Variants in RAD50 observed in about 807,000 individuals in gnomAD.
RAD50 encodes RAD50 double strand break repair protein.
A neutral mutation model predicts 168.8 loss-of-function variants in RAD50; 132 were observed. The observed-to-expected ratio is 0.78, with a 90% CI of 0.68 to 0.90. The LOEUF is 0.90. Ranked by LOEUF, RAD50 falls within the 40% of genes least tolerant of loss-of-function variation. RAD50 has a pLI of 0.00. For missense variants in RAD50, 1,347 were observed against 1,534.4 expected, an observed-to-expected ratio of 0.88 and a Z score of 2.04; for synonymous variants, 525 against 497.4, an observed-to-expected ratio of 1.06 and a Z score of -0.74.
At position 132,614,249 on chromosome 5, in the gene RAD50, A is replaced by T. The variant is rs138572986; in HGVS notation, c.3037-1754A>T. 2.0e-3 allele frequency among the ~76,000 whole-genome samples: 300 copies of T among 152,304 alleles called. 1 individual carries two copies. Among genetic ancestry groups the T allele is most frequent in the African/African-American group, 5.6e-3 (231 of 41,558 alleles). ...TCATGCAATTGTGAAAACAAATTCAAATGTTCTGGGGTATTAGATGAAAGT... is the reference window on the plus strand; with the variant it reads ...TCATGCAATTGTGAAAACAAATTCATATGTTCTGGGGTATTAGATGAAAGT... On this transcript the variant is annotated intron_variant, in intron 19 of 24. Coordinates refer to ENST00000378823, the MANE Select transcript of RAD50 (RefSeq NM_005732.4).
intron 5 of RAD50, among the ~76,000 whole-genome samples, chr5:132,586,877 A>AAAT (rs764385442): frequency 2.6e-5 from 4 of 152,178 alleles, no homozygotes. Flanking sequence ...TCTGCATTTG[A>AAAT]AATAATAATA....
At chr5:132,611,501 C>T (rs889401843) in intron 19 of RAD50, among the ~76,000 whole-genome samples, 4 of 151,840 alleles carry the variant, frequency 2.6e-5, no homozygotes, top group East Asian at 3.9e-4. Context: ...GTCAGGAGAT[C>T]GAGACCATCC....
chr5:132,578,901 A>T (rs1355303685), intron 3 of RAD50, among the ~76,000 whole-genome samples: 1 of 152,180 alleles, frequency 6.6e-6, no homozygotes, highest in African/African-American at 2.4e-5. Flanking sequence ...TCTGCTCACC[A>T]GAGCAGTCTG....
intron 11 of RAD50, among the ~76,000 whole-genome samples, chr5:132,592,298 A>C: frequency 6.6e-6 from 1 of 152,206 alleles, no homozygotes; most frequent in East Asian, 1.9e-4. Context: ...AGTCCTAAAG[A>C]ACTGAGGGTC....
chr5:132,610,520 C>G (rs1751066438), intron 19 of RAD50, among the ~76,000 whole-genome samples: 1 of 152,070 alleles, frequency 6.6e-6, no homozygotes, highest in African/African-American at 2.4e-5. Context: ...TTTCTCTGTT[C>G]TTACTGTTTT....
intron 2 of RAD50, among the ~76,000 whole-genome samples, chr5:132,571,935 A>T (rs543305899): frequency 1.3e-5 from 2 of 152,364 alleles, no homozygotes; most frequent in East Asian, 3.9e-4. Flanking sequence ...ATTATCAGTC[A>T]TGAAAGTCAA....
intron 21 of RAD50, among the ~76,000 whole-genome samples, chr5:132,628,167 A>G (rs1751400533): frequency 6.6e-6 from 1 of 152,186 alleles, no homozygotes; most frequent in South Asian, 2.1e-4. Flanking sequence ...GCAGTTGGAT[A>G]TATAACCTCG....
intron 2 of RAD50, among the ~76,000 whole-genome samples, chr5:132,570,465 T>A (rs1396281402): frequency 6.6e-6 from 1 of 152,268 alleles, no homozygotes; most frequent in Non-Finnish European, 1.5e-5. Context: ...AGCTAGATCT[T>A]CTGGATAACT....
chr5:132,560,466 T>A (rs2149831792), intron 2 of RAD50, among the ~76,000 whole-genome samples: 1 of 152,362 alleles, frequency 6.6e-6, no homozygotes, highest in South Asian at 2.1e-4. Context: ...CCATAATGAC[T>A]GTTTCCCACC....
At chr5:132,601,983 G>T (rs1487516119) in intron 13 of RAD50, among the ~76,000 whole-genome samples, 2 of 152,122 alleles carry the variant, frequency 1.3e-5, no homozygotes, top group Non-Finnish European at 2.9e-5. Flanking sequence ...CTGTCTGCTG[G>T]TGGGGGGCTA....
At chr5:132,595,414 G>A (rs1052303944) in intron 12 of RAD50, 159 bp from the exon 13 acceptor site, 4 of 499,420 alleles carry the variant, frequency 8.0e-6, no homozygotes, top group Non-Finnish European at 1.3e-5. Flanking sequence ...CTTTGGAAGC[G>A]AATATCGGAA....
intron 13 of RAD50, among the ~76,000 whole-genome samples, chr5:132,599,026 C>T (rs1750841039): frequency 6.6e-6 from 1 of 152,104 alleles, no homozygotes; most frequent in African/African-American, 2.4e-5. Flanking sequence ...ACTAGGCAAC[C>T]ACACATTTGT....
At chr5:132,638,393 A>G in intron 23 of RAD50, 170 bp downstream of exon 23, 1 of 772,922 alleles carries the variant, frequency 1.3e-6, no homozygotes, top group Non-Finnish European at 2.2e-6. Flanking sequence ...CCTGAAGCTA[A>G]CCAACATTTC....
Position 132,644,201 on chromosome 5 carries a change from G to A in RAD50, c.*1837G>A, listed in dbSNP as rs1751802501. Reference sequence around the variant, plus strand: ...AACAGACTTCCCAATTTTAAATCTGGTTTCCCCCTGAATATGTGGCATCCT... The same window carrying A: ...AACAGACTTCCCAATTTTAAATCTGATTTCCCCCTGAATATGTGGCATCCT... On this transcript the variant is annotated 3_prime_UTR_variant, in exon 25 of 25. Transcript: ENST00000378823. 1 of 177,566 alleles carries A rather than the reference G, an allele frequency of 5.6e-6. No individual in the cohort carries two copies. The highest frequency in any genetic ancestry group is 1.2e-5 in the Non-Finnish European group (1 of 82,668). The allele number at this position is 177,566 out of a possible 1,614,324, so 11.0% of individuals were successfully genotyped here.
At position 132,642,421 on chromosome 5, in the gene RAD50, G is replaced by A. The variant is rs1751749253; in HGVS notation, c.*57G>A. On this transcript the variant is annotated 3_prime_UTR_variant, in exon 25 of 25. Transcript: ENST00000378823. Reference sequence around the variant, plus strand: ...TAGGTCCTCAGAAAGTGTATAATAAGAAACTTATTTCTCATATCAACTTAG... The same window carrying A: ...TAGGTCCTCAGAAAGTGTATAATAAAAAACTTATTTCTCATATCAACTTAG... The A allele has an allele frequency of 1.2e-5, 18 of 1,450,744 alleles. No homozygotes were observed. The highest frequency in any genetic ancestry group is 1.6e-5 in the Non-Finnish European group (17 of 1,043,132). 89.9% of individuals were successfully genotyped at this position (1,450,744 alleles called of 1,614,324 possible). A position where few individuals can be genotyped will look rare whatever the true frequency, so the allele number is the denominator to read the frequency against.
chr5:132,589,845 ATTG>A lies in RAD50; in HGVS notation c.1452+11_1452+13del. On this transcript the variant is annotated intron_variant, in intron 9 of 24. Coordinates refer to ENST00000378823, the MANE Select transcript of RAD50 (RefSeq NM_005732.4). ...CAGGAGCTCATAAAAGCTGTAAGAT[ATTG>A]TTTGAATAATCTAATAATTTTAAGA... 6.3e-7 allele frequency: 1 copy of A among 1,597,878 alleles called. No homozygotes were observed. The highest frequency in any genetic ancestry group is 8.6e-7 in the Non-Finnish European group (1 of 1,166,872).
intron 21 of RAD50, among the ~76,000 whole-genome samples, chr5:132,636,084 T>C (rs1751576529): frequency 1.3e-5 from 2 of 152,368 alleles, no homozygotes; most frequent in African/African-American, 2.4e-5. Flanking sequence ...TTTCTTTTTT[T>C]GTATGCATCA....
At position 132,579,500 on chromosome 5, in the gene RAD50, A is replaced by C. The variant is rs786201299; in HGVS notation, c.549A>C (p.Thr183=). The change falls in exon 4 of 25, where the codon ACA becomes ACC. Residue 183 remains threonine, a splice_region_variant and synonymous_variant. Coordinates refer to ENST00000378823, the MANE Select transcript of RAD50 (RefSeq NM_005732.4). ...AGTTTGATGAGATTTTTTCAGCAACAAGGTTTGTAACCCTTAAATAGACTT... is the reference window on the plus strand; with the variant it reads ...AGTTTGATGAGATTTTTTCAGCAACCAGGTTTGTAACCCTTAAATAGACTT... ...KQKFDEIFSA[T]RYIKALETLR... 6.2e-7 allele frequency: 1 copy of C among 1,611,066 alleles called. No homozygotes were observed. The highest frequency in any genetic ancestry group is 8.5e-7 in the Non-Finnish European group (1 of 1,177,794).
At chr5:132,564,578 C>T (rs999705754) in intron 2 of RAD50, among the ~76,000 whole-genome samples, 1 of 152,124 alleles carries the variant, frequency 6.6e-6, no homozygotes, top group Non-Finnish European at 1.5e-5. Context: ...AAAAGGGAAG[C>T]AGAGCATAAA....
Sources: gnomAD v4.1 joint callset for allele counts (sites outside exome capture counted in the v4.1 genomes callset) on GRCh38, gnomAD v4.1.1 for gene constraint, MANE v1.5 for transcripts, NCBI Gene and HGNC (gene_info 2026-07-23, HGNC 2026-07-21) for gene names.